The following CSGALNACT1 variants were observed in gnomAD, a reference collection of about 807,000 sequenced individuals.
The protein encoded by CSGALNACT1 is chondroitin sulfate N-acetylgalactosaminyltransferase 1, also known as beta4GalNAcT-1.
Under a neutral mutation model 51.0 loss-of-function variants are expected in CSGALNACT1, and 52 were observed. That is an observed-to-expected ratio of 1.02 (90% CI 0.82 to 1.29). The LOEUF (loss-of-function observed/expected upper bound fraction) is 1.29. Among genes scored for constraint, CSGALNACT1 ranks in the 50% most tolerant of loss-of-function variants. CSGALNACT1 has a pLI of 0.00. For synonymous variants in CSGALNACT1, 341 were observed against 254.4 expected, an observed-to-expected ratio of 1.34 and a Z score of -3.24; for missense variants, 935 against 679.2, an observed-to-expected ratio of 1.38 and a Z score of -4.19.
At chr8:19,528,083 G>T (rs1281225358) in intron 3 of CSGALNACT1, among the ~76,000 whole-genome samples, 1 of 152,116 alleles carries the variant, frequency 6.6e-6, no homozygotes, top group Non-Finnish European at 1.5e-5. Context: ...GACCCACATT[G>T]TTATGAACTT....
intron 1 of CSGALNACT1, among the ~76,000 whole-genome samples, chr8:19,726,534 T>C (rs181998006): frequency 1.4e-3 from 220 of 152,306 alleles, no homozygotes; most frequent in African/African-American, 5.1e-3. Context: ...AATGGTTAAG[T>C]CAAGCTAATT....
At position 19,748,791 on chromosome 8, in the gene CSGALNACT1, C is replaced by T. The variant is rs116224968; in HGVS notation, c.-297+9059G>A. 2.7e-3 allele frequency among the ~76,000 whole-genome samples: 406 copies of T among 152,162 alleles called. 3 individuals carry two copies. Among genetic ancestry groups the T allele is most frequent in the African/African-American group, 8.8e-3 (364 of 41,512 alleles). On this transcript the variant is annotated intron_variant, in intron 1 of 1. Coordinates refer to the CSGALNACT1 transcript ENST00000517494. ...ACCAACCTGGCCAACATGGTGAATC[C>T]TCTACTCTGCTAAAAATACAAAAAT...
Position 19,716,476 on chromosome 8 carries a change from T to TA in CSGALNACT1, c.-297+41373dup, listed in dbSNP as rs200106117. Among the ~76,000 whole-genome samples the TA allele has an allele frequency of 2.0e-3, 299 of 149,238 alleles. 1 individual carries two copies. The highest frequency in any genetic ancestry group is 6.5e-3 in the African/African-American group (264 of 40,778). ...AATACAGTACAAACTTTTCCCTTTTTAAAAAAAAAATATATTTCCAGCTGG... is the reference window on the plus strand; with the variant it reads ...AATACAGTACAAACTTTTCCCTTTTTAAAAAAAAAAATATATTTCCAGCTGG... On this transcript the variant is annotated intron_variant, in intron 1 of 1. Coordinates refer to the CSGALNACT1 transcript ENST00000517494.
chr8:19,708,164 G>T (rs987529607), intron 1 of CSGALNACT1, among the ~76,000 whole-genome samples: 7 of 152,204 alleles, frequency 4.6e-5, no homozygotes, highest in Non-Finnish European at 8.8e-5. Flanking sequence ...TGAGGTCAAG[G>T]TAACTGGTCA....
intron 1 of CSGALNACT1, among the ~76,000 whole-genome samples, chr8:19,658,062 C>CAAAAAAAAA (rs397973082): frequency 1.2e-5 from 1 of 86,710 alleles, no homozygotes. Flanking sequence ...ACCCTCCTTC[C>CAAAAAAAAA]AAAAAAAAAA....
chr8:19,714,596 G>A (rs564956303), intron 1 of CSGALNACT1, among the ~76,000 whole-genome samples: 4 of 152,012 alleles, frequency 2.6e-5, no homozygotes, highest in South Asian at 4.2e-4. Flanking sequence ...TTTAGTTTGG[G>A]TAATTTCTAT....
Position 19,676,385 on chromosome 8 carries a change from A to G in CSGALNACT1, c.-544+6088T>C, listed in dbSNP as rs183853890. ...AGCAGGGAAACAGGAACTATAAAAA[A>G]GAACCCAGTGGAAATTATAGAACTG... On this transcript the variant is annotated intron_variant, in intron 1 of 9. Transcript: ENST00000332246. Among the ~76,000 whole-genome samples, 107 of 152,314 alleles carry G rather than the reference A, an allele frequency of 7.0e-4. 1 individual carries two copies. The highest frequency in any genetic ancestry group is 3.4e-3 in the Middle Eastern group (1 of 294).
chr8:19,597,958 G>T (rs559074040), intron 2 of CSGALNACT1, among the ~76,000 whole-genome samples: 1 of 152,312 alleles, frequency 6.6e-6, no homozygotes, highest in East Asian at 1.9e-4. Flanking sequence ...GCACACAATG[G>T]CCCAGCCCCA....
At chr8:19,460,498 G>A (rs186205299) in intron 4 of CSGALNACT1, among the ~76,000 whole-genome samples, 113 of 152,264 alleles carry the variant, frequency 7.4e-4, no homozygotes, top group African/African-American at 2.6e-3. Flanking sequence ...CAGGATGAGG[G>A]TGAATGACAG....
intron 4 of CSGALNACT1, among the ~76,000 whole-genome samples, chr8:19,474,638 G>A (rs2068995065): frequency 6.6e-6 from 1 of 151,948 alleles, no homozygotes; most frequent in South Asian, 2.1e-4. Flanking sequence ...GAGGCCCGAG[G>A]TGGGTGGATC....
At chr8:19,617,340 A>C (rs1186902079) in intron 1 of CSGALNACT1, among the ~76,000 whole-genome samples, 1 of 152,174 alleles carries the variant, frequency 6.6e-6, no homozygotes, top group Non-Finnish European at 1.5e-5. Context: ...GATGAGTACG[A>C]GTCTGTGGCC....
intron 1 of CSGALNACT1, among the ~76,000 whole-genome samples, chr8:19,722,790 T>C (rs1172343951): frequency 2.0e-5 from 3 of 152,178 alleles, no homozygotes; most frequent in Non-Finnish European, 4.4e-5. Context: ...GCTCCTCTTT[T>C]GCAATAGGAA....
At chr8:19,654,685 C>T (rs2058103990) in intron 1 of CSGALNACT1, among the ~76,000 whole-genome samples, 2 of 151,900 alleles carry the variant, frequency 1.3e-5, no homozygotes, top group African/African-American at 4.8e-5. Context: ...GCTGGGACTA[C>T]AGGCATGCAC....
intron 1 of CSGALNACT1, among the ~76,000 whole-genome samples, chr8:19,714,892 G>A (rs1412277051): frequency 2.6e-5 from 4 of 152,122 alleles, no homozygotes; most frequent in Admixed American, 6.6e-5. Context: ...TACCTGATAA[G>A]TAGGCTTTTG....
intron 1 of CSGALNACT1, among the ~76,000 whole-genome samples, chr8:19,658,252 C>A (rs1210587175): frequency 6.6e-6 from 1 of 151,898 alleles, no homozygotes; most frequent in Non-Finnish European, 1.5e-5. Context: ...GTCTGGAAGC[C>A]CCCAAGAGGA....
intron 1 of CSGALNACT1, among the ~76,000 whole-genome samples, chr8:19,661,743 G>A (rs540474172): frequency 1.3e-5 from 2 of 152,160 alleles, no homozygotes; most frequent in African/African-American, 4.8e-5. Context: ...GAATCCAGAA[G>A]GTCAGGTAAG....
intron 1 of CSGALNACT1, among the ~76,000 whole-genome samples, chr8:19,669,517 C>T (rs970119930): frequency 6.6e-6 from 1 of 152,170 alleles, no homozygotes; most frequent in East Asian, 1.9e-4. Context: ...AGTGGCACGA[C>T]CTTCCTTCAC....
intron 4 of CSGALNACT1, among the ~76,000 whole-genome samples, chr8:19,484,224 A>G (rs2072267512): frequency 1.7e-5 from 2 of 114,346 alleles, no homozygotes; most frequent in Admixed American, 8.2e-5. Flanking sequence ...GAGAAGCCAT[A>G]AAGAGCTTCC....
rs146525814 is a variant in CSGALNACT1, at chr8:19,518,770, G to A, written c.-296-12640C>T. On this transcript the variant is annotated intron_variant, in intron 3 of 9. Transcript: ENST00000454498. ...TGCTTCACTTCCAGCTAGGCCGTCAGCACAGGCCCTAAGCAGATTGCAGGC... is the reference window on the plus strand; with the variant it reads ...TGCTTCACTTCCAGCTAGGCCGTCAACACAGGCCCTAAGCAGATTGCAGGC... Among the ~76,000 whole-genome samples the A allele has an allele frequency of 7.1e-3, 1,076 of 152,320 alleles. 14 individuals carry two copies. The highest frequency in any genetic ancestry group is 0.025 in the African/African-American group (1,022 of 41,572).
Sources: allele counts gnomAD v4.1 joint callset (sites outside exome capture counted in the v4.1 genomes callset), GRCh38; gene constraint gnomAD v4.1.1; transcripts MANE v1.5; gene names NCBI Gene and HGNC (gene_info 2026-07-23, HGNC 2026-07-21).